MANSC1: variants seen among roughly 807,000 people sequenced by gnomAD.
MANSC1 encodes the protein MANSC domain-containing protein 1.
Under a neutral mutation model 14.1 loss-of-function variants are expected in MANSC1, and 13 were observed. That is an observed-to-expected ratio of 0.92 (90% confidence interval 0.60 to 1.46). The LOEUF (loss-of-function observed/expected upper bound fraction) is 1.46, where lower values mean the gene tolerates loss of function less well. MANSC1 is among the 40% of genes most tolerant of loss of function. The pLI is 0.00. For missense variants in MANSC1, 486 were observed against 511.4 expected (o/e 0.95, Z 0.48); for synonymous variants, 227 against 200.7 (o/e 1.13, Z -1.11).
chr12:12,346,591 G>A (rs1320199213), intron 1 of MANSC1, among the ~76,000 whole-genome samples: 1 of 152,156 alleles, frequency 6.6e-6, no homozygotes, highest in Non-Finnish European at 1.5e-5. Context: ...TTTGACAAAG[G>A]AGCAAAGGGG....
At position 12,345,301 on chromosome 12, in the gene MANSC1, C is replaced by CA. The variant is rs1195549160; in HGVS notation, c.-100-1888dup. Among the ~76,000 whole-genome samples, 3 of 122,692 alleles carry CA rather than the reference C, an allele frequency of 2.4e-5. No individual in the cohort carries two copies. In the East Asian group the frequency reaches 7.6e-4, roughly 31 times the overall value. The allele number at this position is 122,692 out of a possible 152,430, so 80.5% of individuals were successfully genotyped here. A position where few individuals can be genotyped will look rare whatever the true frequency, so the allele number is the denominator to read the frequency against. The stretch of plus-strand genomic sequence containing the variant: ...CACCACTGCACTCCAGCCTGGGTGA[C>CA]AAGAGCAAAACTCCGTCTCAAAAAA... On this transcript the variant is annotated intron_variant, in intron 1 of 3. Transcript: ENST00000535902.
rs1387916787 is a variant in MANSC1, at chr12:12,326,557, T to A, written c.*3470A>T. 1 of 152,000 alleles carries A rather than the reference T, an allele frequency of 6.6e-6. No individual in the cohort carries two copies. Among genetic ancestry groups the A allele is most frequent in the Non-Finnish European group, 1.5e-5 (1 of 68,052 alleles). 9.4% of individuals were successfully genotyped at this position (152,000 alleles called of 1,614,324 possible). On this transcript the variant is annotated 3_prime_UTR_variant, in exon 4 of 4. Transcript: ENST00000535902. The stretch of plus-strand genomic sequence containing the variant: ...CAGGGGTAATTGAGAAACAGGCACA[T>A]AACAGTATTCATCCAGGAGTCCTCA...
rs185298420 is a variant in MANSC1 at position 12,343,394 on chromosome 12, C to A, written c.-80G>T. The A allele has an allele frequency of 7.5e-5, 68 of 906,190 alleles. No homozygotes were observed. In the Admixed American group the frequency reaches 1.5e-3, roughly 20 times the overall value. The allele number at this position is 906,190 out of a possible 1,614,324, so 56.1% of individuals were successfully genotyped here. ...GTCTTAGTTTGCTTTAAGAAGGCTG[C>A]ACAGATGATGAGATTTCTCTCTAGA... On this transcript the variant is annotated 5_prime_UTR_variant, in exon 2 of 4. Transcript: ENST00000535902.
rs190061191 is a variant in MANSC1 at position 12,343,982 on chromosome 12, G to A, written c.-100-568C>T. Among the ~76,000 whole-genome samples, 27 of 151,970 alleles carry A rather than the reference G, an allele frequency of 1.8e-4. No individual in the cohort carries two copies. In the East Asian group the frequency reaches 3.3e-3, roughly 19 times the overall value. On this transcript the variant is annotated intron_variant, in intron 1 of 3. Coordinates refer to ENST00000535902, the MANE Select transcript of MANSC1 (RefSeq NM_018050.4). Reference sequence around the variant, plus strand: ...CAAAAAATTAGCTGGGTGTGGTGGCGCATGCCTGTGGTCCCAGCGACTTGG... The same window carrying A: ...CAAAAAATTAGCTGGGTGTGGTGGCACATGCCTGTGGTCCCAGCGACTTGG...
At position 12,329,803 on chromosome 12, in the gene MANSC1, G is replaced by C. The variant is rs1172208952; in HGVS notation, c.*224C>G. 2 of 491,708 alleles carry C rather than the reference G, an allele frequency of 4.1e-6. No homozygotes were observed. The highest frequency in any genetic ancestry group is 7.2e-6 in the Non-Finnish European group (2 of 277,678). The allele number at this position is 491,708 out of a possible 1,614,324, so 30.5% of individuals were successfully genotyped here. A position where few individuals can be genotyped will look rare whatever the true frequency, so the allele number is the denominator to read the frequency against. ...GGAGGCTGAGGCAGGAGAATCGCTTGAACCCAGGAGACGGAGGTTGCGGTG... is the reference window on the plus strand; with the variant it reads ...GGAGGCTGAGGCAGGAGAATCGCTTCAACCCAGGAGACGGAGGTTGCGGTG... On this transcript the variant is annotated 3_prime_UTR_variant, in exon 4 of 4. Transcript: ENST00000535902.
intron 1 of MANSC1, among the ~76,000 whole-genome samples, chr12:12,345,414 A>G (rs1862998373): frequency 6.6e-6 from 1 of 152,182 alleles, no homozygotes; most frequent in South Asian, 2.1e-4. Flanking sequence ...GAAGTATCAA[A>G]TCAGAGTTAG....
intron 1 of MANSC1, among the ~76,000 whole-genome samples, chr12:12,346,257 C>T (rs1034884664): frequency 5.3e-5 from 8 of 150,640 alleles, no homozygotes; most frequent in Non-Finnish European, 1.0e-4. Context: ...GGCGACAGAG[C>T]GAGACTCCGT....
At chr12:12,335,852 A>C (rs1338454733) in intron 3 of MANSC1, among the ~76,000 whole-genome samples, 1 of 149,394 alleles carries the variant, frequency 6.7e-6, no homozygotes, top group Non-Finnish European at 1.5e-5. Flanking sequence ...CAAAAAAAAA[A>C]TAAAAATAAA....
rs185868275 is a variant in MANSC1, at chr12:12,337,953, A to G, written c.364+467T>C. Reference sequence around the variant, plus strand: ...CTTTCCAGTCTAGACAATAAAATCCAGTGAGTTTGATTTCAGACGAGATTG... The same window carrying G: ...CTTTCCAGTCTAGACAATAAAATCCGGTGAGTTTGATTTCAGACGAGATTG... On this transcript the variant is annotated intron_variant, in intron 3 of 3. Coordinates refer to ENST00000535902, the MANE Select transcript of MANSC1 (RefSeq NM_018050.4). Among the ~76,000 whole-genome samples the G allele has an allele frequency of 4.1e-4, 63 of 152,338 alleles. 3 individuals are homozygous for G. In the East Asian group the frequency reaches 8.3e-3, roughly 20 times the overall value.
In MANSC1 at chr12:12,334,288, G is replaced by GA. The variant is rs200973287; in HGVS notation, c.365-3331dup. 6.7e-3 allele frequency among the ~76,000 whole-genome samples: 915 copies of GA among 135,562 alleles called. 10 individuals are homozygous for GA. Among genetic ancestry groups the GA allele is most frequent in the African/African-American group, 0.023 (817 of 35,590 alleles). The allele number at this position is 135,562 out of a possible 152,430, so 88.9% of individuals were successfully genotyped here. A position where few individuals can be genotyped will look rare whatever the true frequency, so the allele number is the denominator to read the frequency against. ...AGTGAGATGCTGCCTTAAAAAAAAA[G>GA]AAAAAAAAAAAGAGAGAGAGAGACA... On this transcript the variant is annotated intron_variant, in intron 3 of 3. Transcript: ENST00000535902.
rs996904117 is a variant in MANSC1, at chr12:12,344,207, T to C, written c.-100-793A>G. 2.0e-5 allele frequency among the ~76,000 whole-genome samples: 3 copies of C among 152,166 alleles called. No homozygotes were observed. The South Asian group carries it at 6.2e-4, about 31-fold the overall frequency. On this transcript the variant is annotated intron_variant, in intron 1 of 3. Transcript: ENST00000535902. ...CACTCTTTTGAATTGTTATTCTCTT[T>C]AATTTATTACCATCTTTAATCTTTA...
chr12:12,329,784 T>C lies in MANSC1; in HGVS notation c.*243A>G, dbSNP rs999253655. 2.3e-5 allele frequency: 10 copies of C among 435,946 alleles called. No homozygotes were observed. Among genetic ancestry groups the C allele is most frequent in the Non-Finnish European group, 4.1e-5 (10 of 245,052 alleles). 27.0% of individuals were successfully genotyped at this position (435,946 alleles called of 1,614,324 possible). A position where few individuals can be genotyped will look rare whatever the true frequency, so the allele number is the denominator to read the frequency against. On this transcript the variant is annotated 3_prime_UTR_variant, in exon 4 of 4. Transcript: ENST00000535902. ...CTGTAATCCCAGATACTTAGGAGGC[T>C]GAGGCAGGAGAATCGCTTGAACCCA...
chr12:12,332,282 T>C (rs1214419071), intron 3 of MANSC1, among the ~76,000 whole-genome samples: 1 of 152,194 alleles, frequency 6.6e-6, no homozygotes, highest in Non-Finnish European at 1.5e-5. Flanking sequence ...CCATGCCAGT[T>C]TCCAAACTGG....
intron 1 of MANSC1, among the ~76,000 whole-genome samples, chr12:12,346,146 G>A (rs185374773): frequency 0.06 from 9,138 of 151,950 alleles, 432 homozygotes; most frequent in East Asian, 0.22. Context: ...GGTGGCGGCC[G>A]CCTGTAGTCC....
intron 1 of MANSC1, among the ~76,000 whole-genome samples, chr12:12,344,438 C>T (rs1862977096): frequency 2.0e-5 from 3 of 149,778 alleles, no homozygotes; most frequent in Non-Finnish European, 3.0e-5. Context: ...GCAGAAAATG[C>T]GAAAAAGAGA....
At chr12:12,342,180 C>A (rs956245219) in intron 2 of MANSC1, among the ~76,000 whole-genome samples, 8 of 152,186 alleles carry the variant, frequency 5.3e-5, no homozygotes, top group African/African-American at 1.9e-4. Flanking sequence ...TGGGCTCAAG[C>A]AATCCTCCTG....
At chr12:12,338,776 G>C in intron 2 of MANSC1, 1 of 590,642 alleles carries the variant, frequency 1.7e-6, no homozygotes. Context: ...TTTTCACAAG[G>C]TGGCACCGAA....
At chr12:12,345,320 C>CAAAA (rs35001300) in intron 1 of MANSC1, among the ~76,000 whole-genome samples, 15 of 93,120 alleles carry the variant, frequency 1.6e-4, no homozygotes, top group Non-Finnish European at 3.4e-4. Context: ...AACTCCGTCT[C>CAAAA]AAAAAAAAAA....
At chr12:12,338,890 A>ACAC (rs1555141160) in intron 2 of MANSC1, 6 of 192,918 alleles carry the variant, frequency 3.1e-5, no homozygotes, top group Admixed American at 6.4e-5. Context: ...CACACACACA[A>ACAC]ACACACACAC....
Sources: gnomAD v4.1 joint callset for allele counts (sites outside exome capture counted in the v4.1 genomes callset) on GRCh38, gnomAD v4.1.1 for gene constraint, MANE v1.5 for transcripts, NCBI Gene and HGNC (gene_info 2026-07-23, HGNC 2026-07-21) for gene names.